Variants in PLEKHG5 observed in about 807,000 individuals in gnomAD.
PLEKHG5 encodes the protein pleckstrin homology and RhoGEF domain containing G5, also known as pleckstrin homology domain-containing family G member 5.
A neutral mutation model predicts 103.8 loss-of-function variants in PLEKHG5; 52 were observed. The ratio of observed to expected loss-of-function variants is 0.50; its 90% CI spans 0.40 to 0.63. The LOEUF (loss-of-function observed/expected upper bound fraction) is 0.63, where lower values mean the gene tolerates loss of function less well. PLEKHG5 is among the 30% of genes least tolerant of loss of function. The pLI is 0.00. For synonymous variants in PLEKHG5, 592 were observed against 575.5 expected (o/e 1.03, Z -0.41); for missense variants, 1,205 against 1,347.6 (o/e 0.89, Z 1.66).
At position 6,477,258 on chromosome 1, in the gene PLEKHG5, G is replaced by A. The variant is rs371209425; in HGVS notation, c.43+271C>T. 1.7e-4 allele frequency among the ~76,000 whole-genome samples: 26 copies of A among 152,366 alleles called. No individual in the cohort carries two copies. The South Asian group carries it at 5.4e-3, about 32-fold the overall frequency. On this transcript the variant is annotated intron_variant, in intron 2 of 20. Transcript: ENST00000377728. ...AGAAAGAAAGGGGCCTTCTCTGTGTGGGCCACAGGCCAGGGGCAAAAGCAG... is the reference window on the plus strand; with the variant it reads ...AGAAAGAAAGGGGCCTTCTCTGTGTAGGCCACAGGCCAGGGGCAAAAGCAG...
upstream of PLEKHG5, among the ~76,000 whole-genome samples, chr1:6,493,247 T>C (rs553126781): frequency 2.0e-5 from 3 of 152,340 alleles, no homozygotes; most frequent in South Asian, 4.1e-4. Flanking sequence ...GTCACTTCCC[T>C]TCCTTCCTCC....
At chr1:6,473,976 T>TTCCCCC in intron 7 of PLEKHG5, 37 bp downstream of exon 7, 3 of 1,265,550 alleles carry the variant, frequency 2.4e-6, no homozygotes, top group Non-Finnish European at 3.4e-6. Context: ...CTGGGCCCCT[T>TTCCCCC]CCCACCCCCT....
rs750103775 is a variant in PLEKHG5 at position 6,471,565 on chromosome 1, T to A, written c.1204A>T (p.Met402Leu). 1.2e-6 allele frequency: 2 copies of A among 1,603,554 alleles called. No individual in the cohort carries two copies. Among genetic ancestry groups the A allele is most frequent in the Admixed American group, 1.7e-5 (1 of 58,614 alleles). ...QLHRRLWASV[M>L]APVLEKARRT... The stretch of plus-strand genomic sequence containing the variant: ...CGCGCCTTCTCCAGCACCGGCGCCA[T>A]CACGCTAGCCCACAGCCTGCGGTGC... The change falls in exon 12 of 21, where the codon ATG (methionine) becomes TTG (leucine). Residue 402 changes from methionine (M) to leucine (L), a missense_variant. By Grantham distance (15) the Met-to-Leu change is conservative. Transcript: ENST00000377728.
At position 6,475,467 on chromosome 1, in the gene PLEKHG5, T is replaced by G; in HGVS notation, c.205A>C (p.Thr69Pro). The G allele has an allele frequency of 1.2e-6, 2 of 1,612,892 alleles. No individual in the cohort carries two copies. The highest frequency in any genetic ancestry group is 1.7e-6 in the Non-Finnish European group (2 of 1,179,592). The part of the protein sequence containing the change: ...LSKKKARRRH[T>P]DDPSKECFTL... ...GGCTCTGGGGGGCTCCTCACATCCGTGTGTCTCCTCCTTGCTTTCTTCTTG... is the reference window on the plus strand; with the variant it reads ...GGCTCTGGGGGGCTCCTCACATCCGGGTGTCTCCTCCTTGCTTTCTTCTTG... Residue 69 changes from threonine (T) to proline (P), a missense_variant, in exon 4 of 21, where the codon ACG (threonine) becomes CCG (proline). Physicochemically the swap from Thr to Pro is conservative, Grantham distance 38. Transcript: ENST00000377728.
exon 1 of PLEKHG5, chr1:6,519,742 T>C (rs1452370916): frequency 8.2e-6 from 5 of 606,632 alleles, no homozygotes; most frequent in Non-Finnish European, 1.5e-5. Context: ...CCAACACAGG[T>C]CCCCTGGGCG....
Position 6,470,889 on chromosome 1 carries a change from G to A in PLEKHG5, c.1393-5C>T, listed in dbSNP as rs780578894. On this transcript the variant is annotated splice_polypyrimidine_tract_variant and splice_region_variant and intron_variant, in intron 13 of 20. Coordinates refer to ENST00000377728, the MANE Select transcript of PLEKHG5 (RefSeq NM_020631.6). ...CTGTGGGTGCTTCTCCGCCCACTGC[G>A]GTGGGGGAGTGGGGGCGGGCTCAGG... 8.8e-5 allele frequency: 127 copies of A among 1,439,246 alleles called. No individual in the cohort carries two copies. Among genetic ancestry groups the A allele is most frequent in the Non-Finnish European group, 1.1e-4 (126 of 1,101,316 alleles). 89.2% of individuals were successfully genotyped at this position (1,439,246 alleles called of 1,614,324 possible).
rs143545780 is a variant in PLEKHG5, at chr1:6,470,307, C to A, written c.1729G>T (p.Ala577Ser). The change falls in exon 16 of 21, where the codon GCC (alanine) becomes TCC (serine). Residue 577 changes from alanine (A) to serine (S), a missense_variant. Transcript: ENST00000377728. ...AGCTGCCGCGTCTCCTCCGGGGAGG[C>A]GCCAGGGATGGGCGCTGTCAAGTCC... ...HLDLTAPIPGASPEETRQLLL... is the reference protein window; with the variant it reads ...HLDLTAPIPGSSPEETRQLLL... 6.2e-6 allele frequency: 10 copies of A among 1,614,020 alleles called. No homozygotes were observed. Among genetic ancestry groups the A allele is most frequent in the Non-Finnish European group, 8.5e-6 (10 of 1,179,978 alleles).
upstream of PLEKHG5, chr1:6,496,834 C>T (rs2148627627): frequency 1.6e-6 from 1 of 607,706 alleles, no homozygotes; most frequent in Admixed American, 3.5e-5. Context: ...CCCTCTGTCC[C>T]TCTAGTCTGG....
rs1015539028 is a variant in PLEKHG5, at chr1:6,512,886, C to T, written c.-165+6559G>A. ...TACAGCGTAGGCCTCACAGGCCTCACAGGGTGGCCATGGGGGGGTGAATAA... is the reference window on the plus strand; with the variant it reads ...TACAGCGTAGGCCTCACAGGCCTCATAGGGTGGCCATGGGGGGGTGAATAA... On this transcript the variant is annotated intron_variant, in intron 1 of 21. Transcript: ENST00000377740. 2.9e-5 allele frequency among the ~76,000 whole-genome samples: 4 copies of T among 138,494 alleles called. 1 individual carries two copies. Among genetic ancestry groups the T allele is most frequent in the African/African-American group, 1.1e-4 (4 of 37,440 alleles). The allele number at this position is 138,494 out of a possible 152,430, so 90.9% of individuals were successfully genotyped here. A position where few individuals can be genotyped will look rare whatever the true frequency, so the allele number is the denominator to read the frequency against.
intron 16 of PLEKHG5, 82 bp downstream of exon 16, chr1:6,470,154 T>G: frequency 6.7e-7 from 1 of 1,489,404 alleles, no homozygotes; most frequent in Non-Finnish European, 9.3e-7. Context: ...CCGAAGGGAC[T>G]GCAGAGCTGA....
At chr1:6,515,929 A>G (rs1638599520) in intron 1 of PLEKHG5, among the ~76,000 whole-genome samples, 1 of 152,172 alleles carries the variant, frequency 6.6e-6, no homozygotes, top group Non-Finnish European at 1.5e-5. Flanking sequence ...TATCTCAGGG[A>G]CATGGACATG....
chr1:6,469,199 G>C lies in PLEKHG5; in HGVS notation c.2092C>G (p.Gln698Glu). Reference protein sequence around the residue: ...QLRAQEPPGSQQPLQSLEEEE... With the variant: ...QLRAQEPPGSEQPLQSLEEEE... ...TCTTCCAGGCTCTGCAGGGGCTGCT[G>C]ACTGCCTGGGGGCTCCTGTGCACGC... Residue 698 changes from glutamine to glutamate, a missense_variant, in exon 19 of 21, where the codon CAG (glutamine) becomes GAG (glutamate). Gln to Glu is a conservative substitution (Grantham distance 29). Coordinates refer to ENST00000377728, the MANE Select transcript of PLEKHG5 (RefSeq NM_020631.6). 6.2e-7 allele frequency: 1 copy of C among 1,612,796 alleles called. No homozygotes were observed. Among genetic ancestry groups the C allele is most frequent in the East Asian group, 2.2e-5 (1 of 44,876 alleles).
chr1:6,517,238 C>T lies in PLEKHG5; in HGVS notation c.-165+2207G>A, dbSNP rs1252505606. Among the ~76,000 whole-genome samples, 6 of 146,186 alleles carry T rather than the reference C, an allele frequency of 4.1e-5. No homozygotes were observed. In the East Asian group the frequency reaches 1.2e-3, roughly 30 times the overall value. The stretch of plus-strand genomic sequence containing the variant: ...AGAAGAATGGCATGAACCTGAGAGG[C>T]GGAGGTTACAGTGAGCCGAGATCGC... On this transcript the variant is annotated intron_variant, in intron 1 of 21. Coordinates refer to the PLEKHG5 transcript ENST00000377740.
chr1:6,471,511 C>T lies in PLEKHG5; in HGVS notation c.1258G>A (p.Asp420Asn). 6.2e-7 allele frequency: 1 copy of T among 1,610,666 alleles called. No homozygotes were observed. Among genetic ancestry groups the T allele is most frequent in the Non-Finnish European group, 8.5e-7 (1 of 1,179,100 alleles). ...ACCATCTTGAAGCCTTTGAGGAAGTCCCCGGGCTGTAGCAGCGCTCGCGTG... is the reference window on the plus strand; with the variant it reads ...ACCATCTTGAAGCCTTTGAGGAAGTTCCCGGGCTGTAGCAGCGCTCGCGTG... ...RRTRALLQPG[D>N]FLKGFKMFGS... is the part of the protein sequence containing the mutation. The change falls in exon 12 of 21, where the codon GAC becomes AAC. Residue 420 changes from aspartate to asparagine, a missense_variant. Transcript: ENST00000377728.
rs1342219532 is a variant in PLEKHG5, at chr1:6,468,520, G to A, written c.2316C>T (p.Ser772=). 6.2e-7 allele frequency: 1 copy of A among 1,612,806 alleles called. No individual in the cohort carries two copies. The highest frequency in any genetic ancestry group is 8.5e-7 in the Non-Finnish European group (1 of 1,179,886). ...VVVEPGDTLS[S]PEFDSGPFSS... ...TGAAAGGACCGCTGTCGAACTCGGGGGAGGACAGCGTGTCCCCAGGCTCTA... is the reference window on the plus strand; with the variant it reads ...TGAAAGGACCGCTGTCGAACTCGGGAGAGGACAGCGTGTCCCCAGGCTCTA... Residue 772 remains serine, a synonymous_variant, in exon 20 of 21, where the codon TCC becomes TCT. Coordinates refer to ENST00000377728, the MANE Select transcript of PLEKHG5 (RefSeq NM_020631.6).
rs190311717 is a variant in PLEKHG5 at position 6,519,900 on chromosome 1, G to A, written c.-620C>T. 64 of 329,036 alleles carry A rather than the reference G, an allele frequency of 1.9e-4. No individual in the cohort carries two copies. In the East Asian group the frequency reaches 4.4e-3, roughly 23 times the overall value. 20.4% of individuals were successfully genotyped at this position (329,036 alleles called of 1,614,324 possible). ...CACTGCTGGCTGCCCTGGAGGTGCCGTCCCTCCTTTCCAGGAAAGCAACAC... is the reference window on the plus strand; with the variant it reads ...CACTGCTGGCTGCCCTGGAGGTGCCATCCCTCCTTTCCAGGAAAGCAACAC... On this transcript the variant is annotated 5_prime_UTR_variant, in exon 1 of 22. Transcript: ENST00000377740.
In PLEKHG5 at chr1:6,468,442, G is replaced by C; in HGVS notation, c.2394C>G (p.Pro798=). The change falls in exon 20 of 21, where the codon CCC becomes CCG. Residue 798 remains proline, a synonymous_variant. Coordinates refer to ENST00000377728, the MANE Select transcript of PLEKHG5 (RefSeq NM_020631.6). The part of the protein sequence containing the change: ...SLSTTASSAT[P]TSELLPLGPV... ...GACCCAGGGGCAGCAGCTCACTGGT[G>C]GGCGTGGCAGATGAGGCAGTGGTGC... 6.2e-7 allele frequency: 1 copy of C among 1,612,902 alleles called. No individual in the cohort carries two copies.
At chr1:6,510,349 T>C (rs564977739) in intron 1 of PLEKHG5, among the ~76,000 whole-genome samples, 1 of 151,652 alleles carries the variant, frequency 6.6e-6, no homozygotes, top group East Asian at 2.0e-4. Context: ...TCCCAGCACT[T>C]TGGGAGGCCA....
In PLEKHG5 at chr1:6,474,012, C is replaced by T. The variant is rs1211028360; in HGVS notation, c.591+1G>A. On this transcript the variant is annotated splice_donor_variant, in intron 7 of 20. Coordinates refer to ENST00000377728, the MANE Select transcript of PLEKHG5 (RefSeq NM_020631.6). LOFTEE classifies it high-confidence loss of function. ...CCCCTGACACACCCCCTCCTCCTCACCAAGATGTCCAGGCTCTCCCGGCGG... is the reference window on the plus strand; with the variant it reads ...CCCCTGACACACCCCCTCCTCCTCATCAAGATGTCCAGGCTCTCCCGGCGG... 6.4e-7 allele frequency: 1 copy of T among 1,564,674 alleles called. No individual in the cohort carries two copies. The highest frequency in any genetic ancestry group is 1.1e-5 in the South Asian group (1 of 88,156).
Sources: allele counts gnomAD v4.1 joint callset (sites outside exome capture counted in the v4.1 genomes callset), GRCh38; gene constraint gnomAD v4.1.1; transcripts MANE v1.5; gene names NCBI Gene and HGNC (gene_info 2026-07-23, HGNC 2026-07-21).